Variants in ESRRG observed in about 807,000 individuals in gnomAD.
The protein encoded by ESRRG is estrogen-related receptor gamma.
ESRRG carries 13 observed loss-of-function variants against 44.0 expected under a neutral mutation model. The observed-to-expected ratio is 0.30, with a 90% CI of 0.19 to 0.47. ESRRG has a LOEUF of 0.47. Among genes scored for constraint, ESRRG ranks in the 20% least tolerant of loss-of-function variants. The pLI is 1.00. For synonymous variants in ESRRG, 215 were observed against 214.6 expected, an observed-to-expected ratio of 1.00 and a Z score of -0.02; for missense variants, 395 against 580.6, an observed-to-expected ratio of 0.68 and a Z score of 3.29.
At chr1:217,021,314 A>G (rs185980941) in intron 1 of ESRRG, among the ~76,000 whole-genome samples, 65 of 152,258 alleles carry the variant, frequency 4.3e-4, no homozygotes, top group East Asian at 1.5e-3. Flanking sequence ...GGCAGGGGTT[A>G]ATGGGACAGA....
chr1:216,593,402 C>A (rs1362308056), intron 3 of ESRRG, among the ~76,000 whole-genome samples: 4 of 152,126 alleles, frequency 2.6e-5, no homozygotes, highest in African/African-American at 9.7e-5. Context: ...GTTTTAAAGA[C>A]AATAAAAAGA....
chr1:217,007,816 G>A (rs2077969644), intron 1 of ESRRG, among the ~76,000 whole-genome samples: 1 of 151,840 alleles, frequency 6.6e-6, no homozygotes, highest in Non-Finnish European at 1.5e-5. Flanking sequence ...ACTGTTCTAG[G>A]TGCTAGACAG....
chr1:216,966,593 G>A (rs1180067092), intron 1 of ESRRG, among the ~76,000 whole-genome samples: 1 of 152,100 alleles, frequency 6.6e-6, no homozygotes, highest in Admixed American at 6.6e-5. Context: ...CTCCCAGGAT[G>A]GCCTTCCTTC....
intron 3 of ESRRG, among the ~76,000 whole-genome samples, chr1:216,613,325 A>G (rs764581525): frequency 2.6e-4 from 39 of 152,144 alleles, no homozygotes; most frequent in Non-Finnish European, 4.6e-4. Flanking sequence ...ATTTTATGAA[A>G]CCCTATACCA....
chr1:217,055,100 G>C (rs558863817), intron 1 of ESRRG, among the ~76,000 whole-genome samples: 8 of 152,294 alleles, frequency 5.3e-5, no homozygotes, highest in African/African-American at 1.9e-4. Context: ...TTAGGGGCTA[G>C]AACAAACTTT....
intron 2 of ESRRG, among the ~76,000 whole-genome samples, chr1:216,873,106 G>T (rs1163712944): frequency 6.6e-6 from 1 of 151,992 alleles, no homozygotes; most frequent in Non-Finnish European, 1.5e-5. Flanking sequence ...GGTCATAGGT[G>T]CAGGTGGATC....
chr1:217,098,305 T>C (rs181801443), intron 1 of ESRRG, among the ~76,000 whole-genome samples: 3 of 150,880 alleles, frequency 2.0e-5, no homozygotes, highest in African/African-American at 7.5e-5. Context: ...AAGTACATCA[T>C]AAAACACTCA....
chr1:216,992,780 T>C (rs1487702777), intron 1 of ESRRG, among the ~76,000 whole-genome samples: 1 of 152,206 alleles, frequency 6.6e-6, no homozygotes, highest in African/African-American at 2.4e-5. Flanking sequence ...ATGTATACCA[T>C]TATTATCAAA....
chr1:216,965,064 T>A (rs2069989827), intron 1 of ESRRG, among the ~76,000 whole-genome samples: 1 of 152,182 alleles, frequency 6.6e-6, no homozygotes, highest in Non-Finnish European at 1.5e-5. Flanking sequence ...GCACAAAATA[T>A]CTTTTGGGAA....
At chr1:217,077,245 C>A (rs1159319340) in intron 1 of ESRRG, among the ~76,000 whole-genome samples, 3 of 152,076 alleles carry the variant, frequency 2.0e-5, no homozygotes, top group Non-Finnish European at 4.4e-5. Context: ...CTTAAGAAAC[C>A]ACAATCCAGC....
At chr1:217,069,341 T>C (rs1423584763) in intron 1 of ESRRG, among the ~76,000 whole-genome samples, 5 of 152,044 alleles carry the variant, frequency 3.3e-5, no homozygotes, top group Non-Finnish European at 5.9e-5. Context: ...CGGGACCTTG[T>C]GATCATGTGA....
intron 1 of ESRRG, among the ~76,000 whole-genome samples, chr1:217,013,050 C>CA (rs2078857327): frequency 6.6e-6 from 1 of 152,128 alleles, no homozygotes; most frequent in East Asian, 1.9e-4. Flanking sequence ...TCTCTGTGTC[C>CA]AAATTTCTCC....
intron 3 of ESRRG, among the ~76,000 whole-genome samples, chr1:216,604,687 G>A (rs754430028): frequency 3.9e-5 from 6 of 152,170 alleles, no homozygotes; most frequent in South Asian, 4.1e-4. Context: ...ACATTAGAAT[G>A]GGATTGGGTC....
chr1:217,099,968 C>T (rs1472621809), intron 1 of ESRRG, among the ~76,000 whole-genome samples: 1 of 147,254 alleles, frequency 6.8e-6, no homozygotes, highest in Non-Finnish European at 1.5e-5. Context: ...CGTTCCGTTA[C>T]ATTTTCTTTT....
At chr1:216,633,990 G>C (rs1238278515) in intron 3 of ESRRG, among the ~76,000 whole-genome samples, 1 of 152,122 alleles carries the variant, frequency 6.6e-6, no homozygotes, top group Non-Finnish European at 1.5e-5. Context: ...CCTAATTACA[G>C]TTATTGATGA....
intron 1 of ESRRG, among the ~76,000 whole-genome samples, chr1:216,686,582 A>G (rs1211104236): frequency 6.6e-6 from 1 of 152,164 alleles, no homozygotes; most frequent in African/African-American, 2.4e-5. Flanking sequence ...AAATGCAAAC[A>G]TGCAGAGAAA....
intron 1 of ESRRG, among the ~76,000 whole-genome samples, chr1:216,998,779 T>G (rs960327668): frequency 6.6e-6 from 1 of 152,216 alleles, no homozygotes. Flanking sequence ...AAGAAGAATA[T>G]AAATGGATTT....
At chr1:216,865,943 A>G (rs2096149482) in intron 2 of ESRRG, among the ~76,000 whole-genome samples, 1 of 152,180 alleles carries the variant, frequency 6.6e-6, no homozygotes, top group Non-Finnish European at 1.5e-5. Flanking sequence ...TGCCAACAAA[A>G]ATGTTTAAGG....
At chr1:216,621,556 T>A (rs2062240643) in intron 3 of ESRRG, among the ~76,000 whole-genome samples, 2 of 152,152 alleles carry the variant, frequency 1.3e-5, no homozygotes, top group East Asian at 3.9e-4. Context: ...CTAGTCAACA[T>A]CTCAAGTTGT....
Sources: allele counts gnomAD v4.1 joint callset (sites outside exome capture counted in the v4.1 genomes callset), GRCh38; gene constraint gnomAD v4.1.1; transcripts MANE v1.5; gene names NCBI Gene and HGNC (gene_info 2026-07-23, HGNC 2026-07-21).